Variants in PASD1 observed in about 807,000 individuals in gnomAD.
PASD1 encodes the protein PAS domain containing repressor 1, also known as circadian clock protein PASD1.
Under a neutral mutation model 58.8 loss-of-function variants are expected in PASD1, and 13 were observed. The ratio of observed to expected loss-of-function variants is 0.22; its 90% CI spans 0.14 to 0.35. The LOEUF (loss-of-function observed/expected upper bound fraction) is 0.35, where lower values mean the gene tolerates loss of function less well. Among genes scored for constraint, PASD1 ranks in the 10% least tolerant of loss-of-function variants. PASD1 has a pLI of 1.00. For synonymous variants in PASD1, 236 were observed against 216.7 expected (o/e 1.09, Z -0.78); for missense variants, 734 against 568.3 (o/e 1.29, Z -2.96).
chrX:151,599,458 A>G (rs1259477645), intron 1 of PASD1, among the ~76,000 whole-genome samples: 1 of 103,827 alleles, frequency 9.6e-6, no homozygotes, highest in Non-Finnish European at 2.0e-5. Context: ...GCTGCCCGCC[A>G]CCTCCCGGAC....
intron 8 of PASD1, among the ~76,000 whole-genome samples, chrX:151,629,192 T>C (rs1310943138): frequency 1.8e-5 from 2 of 111,299 alleles, no homozygotes; most frequent in Non-Finnish European, 3.8e-5. Flanking sequence ...CAATCTCGGC[T>C]CGCTGCAACC....
At chrX:151,671,892 A>G (rs1333182065) in intron 13 of PASD1, 113 bp downstream of exon 13, 11 of 870,940 alleles carry the variant, frequency 1.3e-5, no homozygotes, top group African/African-American at 2.0e-5. Flanking sequence ...GCTGCAATTT[A>G]TTTGCCCAAG....
Position 151,664,373 on chromosome X carries a change from C to T in PASD1, c.1071+25C>T, listed in dbSNP as rs779963704. 20 of 1,205,993 alleles carry T rather than the reference C, an allele frequency of 1.7e-5. 1 individual carries two copies. The Admixed American group carries it at 2.0e-4, about 12-fold the overall frequency. The stretch of plus-strand genomic sequence containing the variant: ...GGTACTCTGAAAGTCTCGCTTCACT[C>T]GCTTCACGTTTGTCTGGATAGCTAA... On this transcript the variant is annotated intron_variant, in intron 11 of 15. Coordinates refer to ENST00000370357, the MANE Select transcript of PASD1 (RefSeq NM_173493.3).
chrX:151,671,941 A>G (rs1039718704), intron 13 of PASD1, among the ~76,000 whole-genome samples, 162 bp downstream of exon 13: 7 of 112,573 alleles, frequency 6.2e-5, no homozygotes, highest in African/African-American at 2.3e-4. Flanking sequence ...CTGAATGCAC[A>G]TGCTAGACCA....
At chrX:151,601,469 T>C in intron 1 of PASD1, 58 bp from the exon 2 acceptor site, 1 of 920,360 alleles carries the variant, frequency 1.1e-6, no homozygotes, top group Non-Finnish European at 1.6e-6. Flanking sequence ...CTTATTGCTT[T>C]ACTGTGATTC....
chrX:151,584,246 C>T (rs779460242), intron 1 of PASD1, among the ~76,000 whole-genome samples: 3 of 111,686 alleles, frequency 2.7e-5, no homozygotes. Flanking sequence ...TTCTTTTCTT[C>T]ATATCAGGGG....
chrX:151,604,253 A>T (rs2013457262), intron 2 of PASD1, among the ~76,000 whole-genome samples: 1 of 111,909 alleles, frequency 8.9e-6, no homozygotes, highest in African/African-American at 3.2e-5. Context: ...GGAATTTCAT[A>T]ATTTAGTTAG....
intron 11 of PASD1, among the ~76,000 whole-genome samples, chrX:151,665,383 T>C (rs1409436457): frequency 1.8e-5 from 2 of 112,207 alleles, no homozygotes; most frequent in African/African-American, 3.2e-5. Flanking sequence ...AGTATAACTT[T>C]TAAAAAATCA....
intron 8 of PASD1, among the ~76,000 whole-genome samples, chrX:151,640,671 A>G (rs752878070): frequency 8.9e-6 from 1 of 111,804 alleles, no homozygotes; most frequent in African/African-American, 3.2e-5. Context: ...CCACAAATAT[A>G]TGATGGGGAA....
At chrX:151,639,964 A>G (rs1319278870) in intron 8 of PASD1, among the ~76,000 whole-genome samples, 1 of 112,191 alleles carries the variant, frequency 8.9e-6, no homozygotes, top group Non-Finnish European at 1.9e-5. Flanking sequence ...TAGAGTTTTA[A>G]TAAATAGCAA....
intron 8 of PASD1, among the ~76,000 whole-genome samples, chrX:151,638,535 A>G (rs1240051281): frequency 1.8e-5 from 2 of 110,918 alleles, no homozygotes; most frequent in Admixed American, 9.6e-5. Context: ...ATCTTAACTC[A>G]TTTCGTCCTC....
chrX:151,643,993 A>T (rs2014028195), intron 8 of PASD1, among the ~76,000 whole-genome samples: 3 of 111,594 alleles, frequency 2.7e-5, no homozygotes, highest in Non-Finnish European at 5.6e-5. Context: ...ATGGTTAGTT[A>T]GCATTTACCT....
At chrX:151,591,925 C>A (rs758318071) in intron 1 of PASD1, among the ~76,000 whole-genome samples, 1 of 111,776 alleles carries the variant, frequency 8.9e-6, no homozygotes, top group Non-Finnish European at 1.9e-5. Context: ...CTTTTTTTGT[C>A]TCTCTCCATG....
At chrX:151,586,630 CCA>C (rs1307093052) in intron 1 of PASD1, among the ~76,000 whole-genome samples, 1 of 111,658 alleles carries the variant, frequency 9.0e-6, no homozygotes, top group Non-Finnish European at 1.9e-5. Flanking sequence ...ACCTCTGCTG[CCA>C]CTGCCCTACT....
chrX:151,674,220 C>CA, intron 15 of PASD1, 34 bp downstream of exon 15: 1 of 1,206,456 alleles, frequency 8.3e-7, no homozygotes, highest in Non-Finnish European at 1.1e-6. Flanking sequence ...CCTTCCAGCG[C>CA]AGGTCAAGAG....
intron 8 of PASD1, among the ~76,000 whole-genome samples, chrX:151,629,370 G>A (rs1336344347): frequency 3.6e-5 from 4 of 111,030 alleles, no homozygotes; most frequent in Non-Finnish European, 5.7e-5. Context: ...CGCCCGCCTC[G>A]GCCTCCCAAA....
chrX:151,588,285 T>G (rs1205045719), intron 1 of PASD1, among the ~76,000 whole-genome samples: 1 of 112,391 alleles, frequency 8.9e-6, no homozygotes, highest in Non-Finnish European at 1.9e-5. Flanking sequence ...TACAAATATA[T>G]GATGTGATTA....
At chrX:151,646,326 T>G (rs2014060387) in intron 8 of PASD1, among the ~76,000 whole-genome samples, 1 of 112,360 alleles carries the variant, frequency 8.9e-6, no homozygotes, top group Admixed American at 9.5e-5. Flanking sequence ...CAAAACATAC[T>G]TGCTTCACAA....
intron 8 of PASD1, among the ~76,000 whole-genome samples, chrX:151,629,774 A>C (rs2013843657): frequency 8.9e-6 from 1 of 112,262 alleles, no homozygotes; most frequent in African/African-American, 3.2e-5. Flanking sequence ...ATATTCTTGC[A>C]TGCACCCTAA....
Sources: allele counts gnomAD v4.1 joint callset (sites outside exome capture counted in the v4.1 genomes callset), GRCh38; gene constraint gnomAD v4.1.1; transcripts MANE v1.5; gene names NCBI Gene and HGNC (gene_info 2026-07-23, HGNC 2026-07-21).